HMGB1: variants seen among roughly 807,000 people sequenced by gnomAD.
HMGB1 encodes the protein high mobility group protein B1.
For missense variants in HMGB1, 79 were observed against 253.5 expected, an observed-to-expected ratio of 0.31 and a Z score of 4.67; for synonymous variants, 81 against 84.0, an observed-to-expected ratio of 0.96 and a Z score of 0.19.
intron 1 of HMGB1, among the ~76,000 whole-genome samples, chr13:30,510,676 G>C (rs1887972831): frequency 6.6e-6 from 1 of 152,040 alleles, no homozygotes; most frequent in Admixed American, 6.6e-5. Flanking sequence ...TATGTTGCTT[G>C]CTTCTGGTTA....
At chr13:30,500,355 G>A (rs1294747268) in intron 1 of HMGB1, among the ~76,000 whole-genome samples, 3 of 152,082 alleles carry the variant, frequency 2.0e-5, no homozygotes, top group African/African-American at 7.2e-5. Flanking sequence ...GGAGATGCAA[G>A]TTGAGTATGA....
chr13:30,614,093 T>TA (rs1950538371), intron 1 of HMGB1, among the ~76,000 whole-genome samples: 1 of 152,068 alleles, frequency 6.6e-6, no homozygotes, highest in Admixed American at 6.5e-5. Context: ...GGAAGAAAAA[T>TA]AAAATATATA....
In HMGB1 at chr13:30,545,322, G is replaced by C. The variant is rs569677515; in HGVS notation, c.-15+71349C>G. Reference sequence around the variant, plus strand: ...ACTCTGTGTGAGGGTGTTGTCACTGGGTGATGAATTAGAGTGCCGGCTGCT... The same window carrying C: ...ACTCTGTGTGAGGGTGTTGTCACTGCGTGATGAATTAGAGTGCCGGCTGCT... On this transcript the variant is annotated intron_variant, in intron 1 of 4. Transcript: ENST00000405805. 2.6e-5 allele frequency among the ~76,000 whole-genome samples: 4 copies of C among 151,384 alleles called. No homozygotes were observed. In the East Asian group the frequency reaches 5.8e-4, roughly 22 times the overall value.
intron 1 of HMGB1, among the ~76,000 whole-genome samples, chr13:30,564,673 T>A (rs1870113646): frequency 6.6e-6 from 1 of 152,242 alleles, no homozygotes; most frequent in Non-Finnish European, 1.5e-5. Context: ...TTAAAGAATA[T>A]CTTTAGTGGA....
rs914063726 is a variant in HMGB1 at position 30,601,745 on chromosome 13, C to CAAAAAAAAAAAA, written c.-15+14914_-15+14925dup. ...TGGGCGACAGAGCGAGACTCCGTCT[C>CAAAAAAAAAAAA]AAAAAAAAAAAAAAAAAAAAAAAAA... On this transcript the variant is annotated intron_variant, in intron 1 of 4. Transcript: ENST00000405805. Among the ~76,000 whole-genome samples, 7 of 3,544 alleles carry CAAAAAAAAAAAA rather than the reference C, an allele frequency of 2.0e-3. 3 individuals are homozygous for CAAAAAAAAAAAA. The highest frequency in any genetic ancestry group is 3.4e-3 in the East Asian group (1 of 298). 2.3% of individuals were successfully genotyped at this position (3,544 alleles called of 152,430 possible).
intron 1 of HMGB1, among the ~76,000 whole-genome samples, chr13:30,607,087 T>C (rs1025661935): frequency 3.4e-4 from 51 of 152,234 alleles, no homozygotes; most frequent in African/African-American, 1.2e-3. Context: ...TTTAGGCTCT[T>C]TGGGCCTATG....
At chr13:30,476,865 CAAAA>C (rs35075993) in intron 1 of HMGB1, among the ~76,000 whole-genome samples, 11 of 135,552 alleles carry the variant, frequency 8.1e-5, no homozygotes, top group Non-Finnish European at 1.6e-4. Context: ...GATTCTGTCT[CAAAA>C]AAAAAAAAAA....
At chr13:30,462,178 T>C (rs1201044820) in intron 4 of HMGB1, among the ~76,000 whole-genome samples, 1 of 152,224 alleles carries the variant, frequency 6.6e-6, no homozygotes, top group Non-Finnish European at 1.5e-5. Flanking sequence ...TTTCAGGATA[T>C]GACTAAGAAA....
chr13:30,611,510 G>A (rs912064685), intron 1 of HMGB1, among the ~76,000 whole-genome samples: 2 of 152,132 alleles, frequency 1.3e-5, no homozygotes, highest in East Asian at 3.8e-4. Flanking sequence ...ATAGGGACTT[G>A]TGCTCTATTT....
chr13:30,533,061 G>A (rs1444310713), intron 1 of HMGB1, among the ~76,000 whole-genome samples: 1 of 152,184 alleles, frequency 6.6e-6, no homozygotes, highest in Non-Finnish European at 1.5e-5. Flanking sequence ...GCTGAACTAA[G>A]CTTCACACCC....
At chr13:30,461,705 T>A in intron 4 of HMGB1, 172 bp from the exon 5 acceptor site, 1 of 1,535,698 alleles carries the variant, frequency 6.5e-7, no homozygotes, top group Non-Finnish European at 8.9e-7. Flanking sequence ...TAAATGAACA[T>A]AAAAATACAA....
At chr13:30,555,033 GTTTT>G (rs1007919529) in intron 1 of HMGB1, among the ~76,000 whole-genome samples, 3 of 72,440 alleles carry the variant, frequency 4.1e-5, no homozygotes, top group Non-Finnish European at 7.1e-5. Context: ...GTGTCGTTGT[GTTTT>G]TTTTTTTTTT....
chr13:30,565,082 C>T (rs1404465832), intron 1 of HMGB1, among the ~76,000 whole-genome samples: 1 of 152,102 alleles, frequency 6.6e-6, no homozygotes, highest in Non-Finnish European at 1.5e-5. Context: ...TGAGAACATT[C>T]GGGCTCAGGA....
chr13:30,594,665 T>C (rs1004561356), intron 1 of HMGB1, among the ~76,000 whole-genome samples: 1 of 152,228 alleles, frequency 6.6e-6, no homozygotes, highest in Non-Finnish European at 1.5e-5. Context: ...GTGTTTGCTA[T>C]TGTGAACGGT....
intron 1 of HMGB1, among the ~76,000 whole-genome samples, chr13:30,480,681 C>T (rs998537495): frequency 1.3e-5 from 2 of 152,058 alleles, no homozygotes; most frequent in African/African-American, 2.4e-5. Flanking sequence ...CTATGTCGGT[C>T]GCTCTCACGC....
At chr13:30,537,697 A>ATATATATATATAT (rs71093077) in intron 1 of HMGB1, among the ~76,000 whole-genome samples, 5 of 125,032 alleles carry the variant, frequency 4.0e-5, no homozygotes, top group Admixed American at 8.4e-5. Flanking sequence ...ATATATATAT[A>ATATATATATATAT]AAATTGATGT....
At chr13:30,462,770 T>C (rs918470233) in intron 3 of HMGB1, 58 bp from the exon 4 acceptor site, 2 of 1,399,858 alleles carry the variant, frequency 1.4e-6, no homozygotes, top group East Asian at 2.3e-5. Context: ...ACAAATACTA[T>C]CAAGTGTACA....
rs1392419222 is a variant in HMGB1 at position 30,459,446 on chromosome 13, G to C, written c.*1911C>G. On this transcript the variant is annotated 3_prime_UTR_variant, in exon 5 of 5. Coordinates refer to ENST00000341423, the MANE Select transcript of HMGB1 (RefSeq NM_002128.7). ...AAATGGATCAGAATTATTAATGTTG[G>C]TGATTAATGGTGATTTCTATACAGT... is the stretch of plus-strand genomic sequence containing the variant. 1.3e-5 allele frequency: 2 copies of C among 152,142 alleles called. No individual in the cohort carries two copies. The highest frequency in any genetic ancestry group is 6.5e-5 in the Admixed American group (1 of 15,268). The allele number at this position is 152,142 out of a possible 1,614,324, so 9.4% of individuals were successfully genotyped here.
chr13:30,466,090 T>A, upstream of HMGB1: 2 of 254,386 alleles, frequency 7.9e-6, no homozygotes, highest in Non-Finnish European at 6.2e-6. Flanking sequence ...CAAATCTGAA[T>A]GTGTGTGTAT....
Sources: allele counts gnomAD v4.1 joint callset (sites outside exome capture counted in the v4.1 genomes callset), GRCh38; gene constraint gnomAD v4.1.1; transcripts MANE v1.5; gene names NCBI Gene and HGNC (gene_info 2026-07-23, HGNC 2026-07-21).